FARP1: variants seen among roughly 807,000 people sequenced by gnomAD.
FARP1 encodes the protein FERM, ARHGEF and pleckstrin domain-containing protein 1.
FARP1 carries 52 observed loss-of-function variants against 128.8 expected under a neutral mutation model. The observed-to-expected ratio is 0.40, with a 90% confidence interval of 0.32 to 0.51. FARP1 has a LOEUF of 0.51. Ranked by LOEUF, FARP1 falls within the 20% of genes least tolerant of loss-of-function variation. The pLI, the probability that FARP1 is intolerant of heterozygous loss-of-function variation, is 0.45. For synonymous variants in FARP1, 580 were observed against 551.8 expected (o/e 1.05, Z -0.72); for missense variants, 1,333 against 1,367.9 (o/e 0.97, Z 0.40).
intron 26 of FARP1, chr13:98,447,870 A>G (rs1302086084): frequency 8.7e-6 from 2 of 230,968 alleles, no homozygotes; most frequent in Non-Finnish European, 1.7e-5. Flanking sequence ...AGAAAAAAGG[A>G]AGGGAGAGCT....
intron 17 of FARP1, among the ~76,000 whole-genome samples, chr13:98,425,201 C>G (rs1389490787): frequency 3.4e-5 from 5 of 148,966 alleles, no homozygotes; most frequent in Admixed American, 2.0e-4. Flanking sequence ...TGATTCAAAA[C>G]TTCAAAAAAA....
intron 16 of FARP1, among the ~76,000 whole-genome samples, chr13:98,421,400 A>G (rs1312603920): frequency 6.6e-6 from 1 of 152,124 alleles, no homozygotes; most frequent in Admixed American, 6.5e-5. Context: ...GAGAGAGGAT[A>G]TTGCTTGTTA....
rs1892468329 is a variant in FARP1, at chr13:98,440,237, T to C, written c.2629+2T>C. ...TGGCCAGCAGCCCCCCTGACAACAG[T>C]GAGTGTGGCCAGGGCAGCTTTCCCA... On this transcript the variant is annotated splice_donor_variant, in intron 23 of 26. Transcript: ENST00000319562. LOFTEE classifies it high-confidence loss of function. 1.2e-6 allele frequency: 2 copies of C among 1,608,866 alleles called. No homozygotes were observed. Among genetic ancestry groups the C allele is most frequent in the Non-Finnish European group, 1.7e-6 (2 of 1,175,380 alleles).
intron 3 of FARP1, among the ~76,000 whole-genome samples, chr13:98,359,164 A>C (rs192877876): frequency 6.6e-6 from 1 of 152,256 alleles, no homozygotes; most frequent in East Asian, 1.9e-4. Context: ...GCCGGACTTG[A>C]TGTCAGATTC....
At chr13:98,389,806 G>A (rs1890237607) in intron 9 of FARP1, 151 bp from the exon 10 acceptor site, 2 of 672,372 alleles carry the variant, frequency 3.0e-6, no homozygotes, top group Non-Finnish European at 5.0e-6. Flanking sequence ...AATAACTAGA[G>A]TTTAGTAAGT....
intron 2 of FARP1, among the ~76,000 whole-genome samples, chr13:98,272,065 T>C (rs1295046843): frequency 6.6e-6 from 1 of 151,508 alleles, no homozygotes. Flanking sequence ...AGTCTCGCTC[T>C]GTCTCCCAGG....
chr13:98,376,706 A>G (rs1480249778), intron 5 of FARP1, among the ~76,000 whole-genome samples: 3 of 145,312 alleles, frequency 2.1e-5, no homozygotes, highest in South Asian at 2.1e-4. Context: ...ACTGTTCTCT[A>G]TCGTGGTTGT....
At chr13:98,374,822 C>T (rs759765040) in intron 5 of FARP1, among the ~76,000 whole-genome samples, 1 of 152,144 alleles carries the variant, frequency 6.6e-6, no homozygotes, top group African/African-American at 2.4e-5. Context: ...TGCTTCCACT[C>T]GTGGTAGAAG....
At position 98,335,028 on chromosome 13, in the gene FARP1, C is replaced by T. The variant is rs77540188; in HGVS notation, c.172-8734C>T. Among the ~76,000 whole-genome samples the T allele has an allele frequency of 2.5e-3, 375 of 152,348 alleles. 1 individual carries two copies. Among genetic ancestry groups the T allele is most frequent in the African/African-American group, 8.7e-3 (362 of 41,586 alleles). The stretch of plus-strand genomic sequence containing the variant: ...GCAAACTCCTACTCATCCTTCAGGA[C>T]CCATTCAAGTGGGCTACTTCTAAAA... On this transcript the variant is annotated intron_variant, in intron 2 of 26. Transcript: ENST00000319562.
chr13:98,360,090 CTTT>C (rs55859311), intron 3 of FARP1, among the ~76,000 whole-genome samples: 2 of 104,610 alleles, frequency 1.9e-5, no homozygotes, highest in African/African-American at 8.0e-5. Flanking sequence ...GATTGTGTTG[CTTT>C]TTTTTTTTTT....
At chr13:98,359,129 G>A (rs1888759574) in intron 3 of FARP1, among the ~76,000 whole-genome samples, 1 of 152,166 alleles carries the variant, frequency 6.6e-6, no homozygotes, top group Non-Finnish European at 1.5e-5. Context: ...TAGCTTTGGA[G>A]GGAAGCATAT....
intron 18 of FARP1, chr13:98,431,951 C>G (rs574476434): frequency 6.6e-5 from 10 of 152,346 alleles, no homozygotes; most frequent in African/African-American, 2.2e-4. Flanking sequence ...ATCCCTCTAC[C>G]ATGGCCACAG....
chr13:98,335,961 C>T (rs750554499), intron 2 of FARP1, among the ~76,000 whole-genome samples: 3 of 152,138 alleles, frequency 2.0e-5, no homozygotes, highest in Admixed American at 6.5e-5. Flanking sequence ...CTTCCCAAAA[C>T]GGCTCTCTGT....
intron 24 of FARP1, among the ~76,000 whole-genome samples, chr13:98,441,980 GA>G (rs1174517770): frequency 6.6e-6 from 1 of 152,102 alleles, no homozygotes; most frequent in Non-Finnish European, 1.5e-5. Context: ...CTGTGTTTCA[GA>G]ACACTTCAAG....
At chr13:98,373,197 T>C (rs1440327885) in intron 5 of FARP1, among the ~76,000 whole-genome samples, 1 of 152,140 alleles carries the variant, frequency 6.6e-6, no homozygotes, top group African/African-American at 2.4e-5. Flanking sequence ...TGTGTGATTG[T>C]CACCAAAGGT....
intron 2 of FARP1, among the ~76,000 whole-genome samples, chr13:98,293,308 G>T (rs1655703673): frequency 6.6e-6 from 1 of 152,170 alleles, no homozygotes; most frequent in Non-Finnish European, 1.5e-5. Context: ...CTGGGTCAGG[G>T]ATGCCCAGGA....
intron 1 of FARP1, among the ~76,000 whole-genome samples, chr13:98,156,117 A>G (rs1442949498): frequency 6.6e-6 from 1 of 152,244 alleles, no homozygotes; most frequent in African/African-American, 2.4e-5. Flanking sequence ...AATGCCCATT[A>G]TGATACAAAT....
rs11440644 is a variant in FARP1, at chr13:98,163,542, G to GTT, written c.-24+20061_-24+20062dup. ...TCAAATCAAATCCTTATTTGTTGGT[G>GTT]TTTTTTTTTTTTGAGATGGGATCTC... On this transcript the variant is annotated intron_variant, in intron 1 of 26. Transcript: ENST00000319562. Among the ~76,000 whole-genome samples the GTT allele has an allele frequency of 4.7e-4, 68 of 146,122 alleles. No individual in the cohort carries two copies. The East Asian group carries it at 6.2e-3, about 13-fold the overall frequency.
intron 1 of FARP1, among the ~76,000 whole-genome samples, chr13:98,173,784 C>A (rs1284566323): frequency 6.6e-6 from 1 of 152,162 alleles, no homozygotes; most frequent in Non-Finnish European, 1.5e-5. Flanking sequence ...CTGGTCCAGA[C>A]AGGATAAAGT....
Sources: allele counts gnomAD v4.1 joint callset (sites outside exome capture counted in the v4.1 genomes callset), GRCh38; gene constraint gnomAD v4.1.1; transcripts MANE v1.5; gene names NCBI Gene and HGNC (gene_info 2026-07-23, HGNC 2026-07-21).